STXBP5L: variants seen among roughly 807,000 people sequenced by gnomAD.
STXBP5L encodes the protein syntaxin-binding protein 5-like.
In STXBP5L, 65 loss-of-function variants were observed where a neutral mutation model predicts 144.5. The ratio of observed to expected loss-of-function variants is 0.45; its 90% confidence interval spans 0.37 to 0.55. The LOEUF (loss-of-function observed/expected upper bound fraction) is 0.55, where lower values mean the gene tolerates loss of function less well. Among genes scored for constraint, STXBP5L ranks in the 20% least tolerant of loss-of-function variants. The probability of loss-of-function intolerance (pLI) is 0.00; values close to 1 mark genes in which losing one functional copy is unlikely to be tolerated. For synonymous variants in STXBP5L, 505 were observed against 469.6 expected (o/e 1.08, Z -0.97); for missense variants, 1,298 against 1,405.5 (o/e 0.92, Z 1.22).
chr3:121,394,625 G>C (rs1408920985), intron 22 of STXBP5L, among the ~76,000 whole-genome samples: 1 of 86,462 alleles, frequency 1.2e-5, no homozygotes, highest in Non-Finnish European at 2.1e-5. Flanking sequence ...TTTTTTTTGA[G>C]ACAGTGTCTC....
At chr3:121,139,280 G>C (rs1172168036) in intron 7 of STXBP5L, among the ~76,000 whole-genome samples, 3 of 151,986 alleles carry the variant, frequency 2.0e-5, no homozygotes, top group African/African-American at 7.2e-5. Flanking sequence ...TTAAGGTGAT[G>C]GATATGCTAA....
At chr3:121,045,574 C>A (rs768845225) in intron 5 of STXBP5L, 39 bp downstream of exon 5, 3 of 1,561,690 alleles carry the variant, frequency 1.9e-6, no homozygotes, top group Admixed American at 1.9e-5. Context: ...TAATGTACAA[C>A]AAAATTATTT....
At chr3:121,289,162 A>G (rs1329880050) in intron 19 of STXBP5L, among the ~76,000 whole-genome samples, 1 of 152,198 alleles carries the variant, frequency 6.6e-6, no homozygotes, top group Non-Finnish European at 1.5e-5. Context: ...GAGTAGAAAA[A>G]CATTCCATGC....
At chr3:121,315,490 T>TGG (rs956473762) in intron 19 of STXBP5L, among the ~76,000 whole-genome samples, 3 of 48,100 alleles carry the variant, frequency 6.2e-5, no homozygotes, top group Admixed American at 3.1e-4. Context: ...TGTTGTGGGG[T>TGG]GGGGAGGGGG....
chr3:121,065,991 T>A (rs995696280), intron 5 of STXBP5L, among the ~76,000 whole-genome samples: 2 of 152,166 alleles, frequency 1.3e-5, no homozygotes, highest in African/African-American at 4.8e-5. Context: ...AGCTTGCTGC[T>A]TCAAAACCAA....
At chr3:121,104,450 A>G (rs940933581) in intron 5 of STXBP5L, among the ~76,000 whole-genome samples, 3 of 152,348 alleles carry the variant, frequency 2.0e-5, no homozygotes, top group Non-Finnish European at 4.4e-5. Context: ...AGCAAGACTA[A>G]GCAAAAAGAA....
chr3:121,388,919 A>G (rs1307682022), intron 22 of STXBP5L, among the ~76,000 whole-genome samples: 1 of 152,142 alleles, frequency 6.6e-6, no homozygotes, highest in Non-Finnish European at 1.5e-5. Flanking sequence ...TGAATTTGGG[A>G]GGATTCCCTC....
At chr3:121,149,848 T>A (rs2045867813) in intron 7 of STXBP5L, among the ~76,000 whole-genome samples, 1 of 152,122 alleles carries the variant, frequency 6.6e-6, no homozygotes, top group African/African-American at 2.4e-5. Flanking sequence ...TCATTATTTT[T>A]AATTCTGCTT....
intron 5 of STXBP5L, among the ~76,000 whole-genome samples, chr3:121,089,998 CT>C (rs2042699324): frequency 6.6e-6 from 1 of 151,822 alleles, no homozygotes. Context: ...TTGTTGAAAC[CT>C]TTTCATGATT....
chr3:121,240,842 T>C (rs912389273), intron 14 of STXBP5L, among the ~76,000 whole-genome samples: 3 of 152,208 alleles, frequency 2.0e-5, no homozygotes, highest in South Asian at 2.1e-4. Flanking sequence ...CAGGAATCAC[T>C]GCTCTGTATC....
intron 2 of STXBP5L, among the ~76,000 whole-genome samples, chr3:120,921,963 A>T (rs931710710): frequency 6.6e-6 from 1 of 151,916 alleles, no homozygotes; most frequent in South Asian, 2.1e-4. Context: ...TTGTGGTTTC[A>T]TATAAATTTT....
intron 9 of STXBP5L, among the ~76,000 whole-genome samples, chr3:121,201,847 C>T (rs1206071172): frequency 6.6e-6 from 1 of 152,120 alleles, no homozygotes; most frequent in Non-Finnish European, 1.5e-5. Context: ...TGGCCCCCTC[C>T]TGGGTTCAAG....
At chr3:121,062,582 G>C (rs2041336598) in intron 5 of STXBP5L, among the ~76,000 whole-genome samples, 2 of 152,186 alleles carry the variant, frequency 1.3e-5, no homozygotes, top group Non-Finnish European at 2.9e-5. Context: ...AGTTCTCCTG[G>C]ATAATATACT....
intron 3 of STXBP5L, among the ~76,000 whole-genome samples, chr3:120,979,542 G>T (rs996669263): frequency 6.6e-6 from 1 of 152,134 alleles, no homozygotes; most frequent in Admixed American, 6.5e-5. Flanking sequence ...CACGCACAGT[G>T]CACTGCACCC....
intron 3 of STXBP5L, among the ~76,000 whole-genome samples, chr3:121,005,253 T>G (rs1459287218): frequency 6.6e-6 from 1 of 152,216 alleles, no homozygotes; most frequent in Non-Finnish European, 1.5e-5. Context: ...TATTCAGATA[T>G]TCAACTTCTT....
chr3:121,038,303 T>C (rs1381014751), intron 3 of STXBP5L, among the ~76,000 whole-genome samples: 2 of 152,012 alleles, frequency 1.3e-5, no homozygotes, highest in Non-Finnish European at 2.9e-5. Context: ...AGTGCTGCTT[T>C]AGCTGCATCT....
chr3:121,056,429 C>T (rs779675192), intron 5 of STXBP5L, among the ~76,000 whole-genome samples: 1 of 152,080 alleles, frequency 6.6e-6, no homozygotes, highest in Non-Finnish European at 1.5e-5. Flanking sequence ...TACTTACTAT[C>T]AGAGAATTTC....
At chr3:121,319,138 G>T (rs1015850204) in intron 20 of STXBP5L, among the ~76,000 whole-genome samples, 1 of 152,026 alleles carries the variant, frequency 6.6e-6, no homozygotes, top group Non-Finnish European at 1.5e-5. Context: ...GAATATGACT[G>T]GTTGGCCTGT....
chr3:121,196,660 GT>G (rs1384584505), intron 9 of STXBP5L, among the ~76,000 whole-genome samples: 3 of 151,298 alleles, frequency 2.0e-5, no homozygotes, highest in Non-Finnish European at 4.4e-5. Flanking sequence ...AGGTAATTTT[GT>G]TTTCTTTTTT....
Sources: gnomAD v4.1 joint callset for allele counts (sites outside exome capture counted in the v4.1 genomes callset) on GRCh38, gnomAD v4.1.1 for gene constraint, MANE v1.5 for transcripts, NCBI Gene and HGNC (gene_info 2026-07-23, HGNC 2026-07-21) for gene names.